The following GNG12 variants were observed in gnomAD, a reference collection of about 807,000 sequenced individuals.
The protein encoded by GNG12 is G protein subunit gamma 12, also known as guanine nucleotide-binding protein G(I)/G(S)/G(O) subunit gamma-12.
For missense variants in GNG12, 69 were observed against 83.8 expected (o/e 0.82, Z 0.69); for synonymous variants, 28 against 29.7 (o/e 0.94, Z 0.19).
intron 1 of GNG12, among the ~76,000 whole-genome samples, chr1:67,813,650 A>G (rs182314784): frequency 5.3e-5 from 8 of 152,012 alleles, no homozygotes; most frequent in African/African-American, 1.7e-4. Context: ...TGATCCCGCT[A>G]TACCATACTG....
chr1:67,713,020 C>T (rs778260663), intron 2 of GNG12, among the ~76,000 whole-genome samples: 2 of 152,158 alleles, frequency 1.3e-5, no homozygotes, highest in African/African-American at 2.4e-5. Context: ...TGAGCCACCA[C>T]GCCTGGCCCA....
At chr1:67,733,311 G>T (rs1002830341) in intron 2 of GNG12, among the ~76,000 whole-genome samples, 3 of 151,986 alleles carry the variant, frequency 2.0e-5, no homozygotes, top group Non-Finnish European at 4.4e-5. Flanking sequence ...CATGTGTATA[G>T]AATACAAAGT....
intron 1 of GNG12, among the ~76,000 whole-genome samples, chr1:67,794,319 C>T (rs911502409): frequency 6.6e-6 from 1 of 152,090 alleles, no homozygotes; most frequent in African/African-American, 2.4e-5. Flanking sequence ...CTTTGCCCTG[C>T]TCACTCCAAT....
At chr1:67,828,270 C>A (rs553750351) in intron 1 of GNG12, among the ~76,000 whole-genome samples, 72 of 152,308 alleles carry the variant, frequency 4.7e-4, no homozygotes, top group Non-Finnish European at 8.5e-4. Context: ...ACTGATGATT[C>A]TCCTCAGGAA....
At chr1:67,708,342 G>T (rs1172450378) in intron 2 of GNG12, among the ~76,000 whole-genome samples, 1 of 152,200 alleles carries the variant, frequency 6.6e-6, no homozygotes, top group African/African-American at 2.4e-5. Context: ...CTCCGTGATA[G>T]ATCCACTGTA....
chr1:67,724,942 T>G (rs1484864695), intron 2 of GNG12, among the ~76,000 whole-genome samples: 1 of 152,246 alleles, frequency 6.6e-6, no homozygotes, highest in Non-Finnish European at 1.5e-5. Context: ...TAATTAACAT[T>G]ATCAGTTATT....
At position 67,705,591 on chromosome 1, in the gene GNG12, A is replaced by T; in HGVS notation, c.94-15T>A. On this transcript the variant is annotated splice_polypyrimidine_tract_variant and intron_variant, in intron 3 of 3. Transcript: ENST00000370982. Reference sequence around the variant, plus strand: ...GCCTTCGAAACCTGACATGGAGATAAATCAAACAAACAAGAAAGAAAATAT... The same window carrying T: ...GCCTTCGAAACCTGACATGGAGATATATCAAACAAACAAGAAAGAAAATAT... 6.3e-7 allele frequency: 1 copy of T among 1,593,674 alleles called. No individual in the cohort carries two copies. The highest frequency in any genetic ancestry group is 8.5e-7 in the Non-Finnish European group (1 of 1,172,984).
At chr1:67,722,571 C>G (rs1254957342) in intron 2 of GNG12, among the ~76,000 whole-genome samples, 1 of 130,472 alleles carries the variant, frequency 7.7e-6, no homozygotes, top group Non-Finnish European at 1.5e-5. Context: ...GGAGAGAGGT[C>G]TTAAATGAGT....
intron 2 of GNG12, among the ~76,000 whole-genome samples, chr1:67,717,507 C>A (rs1487785579): frequency 6.8e-6 from 1 of 146,530 alleles, no homozygotes; most frequent in Non-Finnish European, 1.5e-5. Context: ...CAAAGTGAGA[C>A]TCTGTCAAAA....
chr1:67,711,002 G>T (rs1034215685), intron 2 of GNG12, among the ~76,000 whole-genome samples: 3 of 152,158 alleles, frequency 2.0e-5, no homozygotes, highest in Non-Finnish European at 4.4e-5. Flanking sequence ...GCATAGCCTA[G>T]CCCCTTCTCC....
rs139022091 is a variant in GNG12 at position 67,740,576 on chromosome 1, C to A, written c.-26-32864G>T. ...TCCCTGATCTGGAGTAAGGAAAGAT[C>A]ATGCTTCATTCTAAAATTTACTACA... is the stretch of plus-strand genomic sequence containing the variant. On this transcript the variant is annotated intron_variant, in intron 2 of 3. Coordinates refer to ENST00000370982, the MANE Select transcript of GNG12 (RefSeq NM_018841.6). Among the ~76,000 whole-genome samples the A allele has an allele frequency of 4.7e-4, 72 of 152,348 alleles. No homozygotes were observed. In the East Asian group the frequency reaches 0.01, roughly 22 times the overall value.
At chr1:67,731,849 T>C (rs757420001) in intron 2 of GNG12, among the ~76,000 whole-genome samples, 4 of 152,246 alleles carry the variant, frequency 2.6e-5, no homozygotes, top group Non-Finnish European at 5.9e-5. Context: ...TTTTGCTTCA[T>C]AATACGGTTA....
intron 2 of GNG12, among the ~76,000 whole-genome samples, chr1:67,768,308 G>A (rs1255797892): frequency 6.6e-6 from 1 of 152,186 alleles, no homozygotes; most frequent in African/African-American, 2.4e-5. Context: ...TTGAGGCTGG[G>A]CAGGTTGAGC....
chr1:67,727,390 G>T (rs1267985955), intron 2 of GNG12, among the ~76,000 whole-genome samples: 1 of 152,210 alleles, frequency 6.6e-6, no homozygotes, highest in African/African-American at 2.4e-5. Context: ...TATGCAAAAT[G>T]TAAGTCAAAA....
At chr1:67,830,885 C>T (rs541831586) in intron 1 of GNG12, among the ~76,000 whole-genome samples, 4 of 152,170 alleles carry the variant, frequency 2.6e-5, no homozygotes, top group Non-Finnish European at 5.9e-5. Flanking sequence ...GCTGCTTGAA[C>T]AAGCTAGATA....
At chr1:67,710,137 G>T (rs867958105) in intron 2 of GNG12, among the ~76,000 whole-genome samples, 2 of 8,364 alleles carry the variant, frequency 2.4e-4, no homozygotes, top group African/African-American at 3.6e-4. Flanking sequence ...TATATATATA[G>T]TTATATATAT....
At chr1:67,748,523 G>GA (rs1420208923) in intron 2 of GNG12, among the ~76,000 whole-genome samples, 1 of 152,200 alleles carries the variant, frequency 6.6e-6, no homozygotes, top group Non-Finnish European at 1.5e-5. Context: ...TGCTTGGGGG[G>GA]ATAAGAAGAG....
chr1:67,733,649 C>A (rs538045200), intron 2 of GNG12, among the ~76,000 whole-genome samples: 1 of 152,048 alleles, frequency 6.6e-6, no homozygotes, highest in Non-Finnish European at 1.5e-5. Flanking sequence ...TGAAACAATA[C>A]CTAAAGTCAA....
rs1282108858 is a variant in GNG12 at position 67,824,903 on chromosome 1, C to G, written c.-77+8441G>C. On this transcript the variant is annotated intron_variant, in intron 1 of 3. Coordinates refer to ENST00000370982, the MANE Select transcript of GNG12 (RefSeq NM_018841.6). ...CCTGCTGGATGTGGGTGGCTCTGAG[C>G]CCCCGGATATTTATTACAGCCATAG... 3.4e-5 allele frequency among the ~76,000 whole-genome samples: 5 copies of G among 145,878 alleles called. No homozygotes were observed. The East Asian group carries it at 7.9e-4, about 23-fold the overall frequency.
Sources: allele counts gnomAD v4.1 joint callset (sites outside exome capture counted in the v4.1 genomes callset), GRCh38; gene constraint gnomAD v4.1.1; transcripts MANE v1.5; gene names NCBI Gene and HGNC (gene_info 2026-07-23, HGNC 2026-07-21).